The following USP47 variants were observed in gnomAD, a reference collection of about 807,000 sequenced individuals.
USP47 encodes the protein ubiquitin specific peptidase 47.
A neutral mutation model predicts 165.1 loss-of-function variants in USP47; 35 were observed. The ratio of observed to expected loss-of-function variants is 0.21; its 90% confidence interval spans 0.16 to 0.28. USP47 has a LOEUF of 0.28. USP47 is among the 10% of genes least tolerant of loss of function. The probability of loss-of-function intolerance (pLI) is 1.00; values close to 1 mark genes in which losing one functional copy is unlikely to be tolerated. For missense variants in USP47, 1,277 were observed against 1,607.4 expected (o/e 0.79, Z 3.52); for synonymous variants, 531 against 544.5 (o/e 0.98, Z 0.35).
chr11:11,943,808 A>G (rs1855644141), intron 20 of USP47: 1 of 152,200 alleles, frequency 6.6e-6, no homozygotes, highest in African/African-American at 2.4e-5. Flanking sequence ...GGTTTAAGAT[A>G]CAAAATCTTT....
At chr11:11,929,290 G>T in intron 11 of USP47, 144 bp from the exon 12 acceptor site, 2 of 1,148,106 alleles carry the variant, frequency 1.7e-6, no homozygotes, top group African/African-American at 1.6e-5. Flanking sequence ...TGCCATTTTT[G>T]TTTTACCTTA....
At chr11:11,858,180 T>G (rs893610595) in intron 1 of USP47, among the ~76,000 whole-genome samples, 18 of 152,182 alleles carry the variant, frequency 1.2e-4, no homozygotes, top group African/African-American at 2.9e-4. Context: ...TTTCCTTGCT[T>G]CTTTTGTACA....
intron 9 of USP47, 40 bp from the exon 10 acceptor site, chr11:11,920,302 A>C: frequency 6.2e-7 from 1 of 1,607,270 alleles, no homozygotes; most frequent in African/African-American, 1.3e-5. Flanking sequence ...AATATTCCAT[A>C]TTCAATAGAC....
chr11:11,922,258 A>G (rs1206874056), intron 10 of USP47, among the ~76,000 whole-genome samples: 1 of 152,062 alleles, frequency 6.6e-6, no homozygotes, highest in Non-Finnish European at 1.5e-5. Context: ...GATGAATACA[A>G]TGTCTTGTTT....
At chr11:11,849,295 G>T (rs7938839) in intron 1 of USP47, among the ~76,000 whole-genome samples, 2,634 of 152,278 alleles carry the variant, frequency 0.017, 58 homozygotes, top group East Asian at 0.081. Context: ...GCTTTGCTTA[G>T]TTTTCTGTAT....
intron 5 of USP47, among the ~76,000 whole-genome samples, chr11:11,898,811 C>T (rs1007683789): frequency 6.6e-6 from 1 of 152,116 alleles, no homozygotes; most frequent in South Asian, 2.1e-4. Context: ...AAAGAGAATA[C>T]ACTGTGCAGA....
chr11:11,908,431 G>A (rs920529896), intron 8 of USP47, among the ~76,000 whole-genome samples: 8 of 152,016 alleles, frequency 5.3e-5, no homozygotes, highest in East Asian at 3.9e-4. Flanking sequence ...GAGCTACCAC[G>A]CCCAGCCAGG....
chr11:11,910,507 G>C (rs186830006), intron 8 of USP47, among the ~76,000 whole-genome samples: 31 of 152,214 alleles, frequency 2.0e-4, no homozygotes, highest in Non-Finnish European at 5.9e-5. Context: ...TGAGTGGGGA[G>C]CCTAGATTCT....
At chr11:11,945,473 A>T (rs1228273846) in intron 20 of USP47, among the ~76,000 whole-genome samples, 1 of 152,214 alleles carries the variant, frequency 6.6e-6, no homozygotes, top group Non-Finnish European at 1.5e-5. Flanking sequence ...TTATAATCCA[A>T]GAGTTGTTTC....
rs1288669289 is a variant in USP47 at position 11,958,472 on chromosome 11, G to T, written c.*2297G>T. The T allele has an allele frequency of 6.6e-6, 1 of 152,244 alleles. No homozygotes were observed. The highest frequency in any genetic ancestry group is 2.4e-5 in the African/African-American group (1 of 41,466). 9.4% of individuals were successfully genotyped at this position (152,244 alleles called of 1,614,324 possible). A position where few individuals can be genotyped will look rare whatever the true frequency, so the allele number is the denominator to read the frequency against. On this transcript the variant is annotated 3_prime_UTR_variant, in exon 28 of 28. Coordinates refer to ENST00000527733, the MANE Select transcript of USP47 (RefSeq NM_001282659.2). ...CCCTCTGCTTCAGAGAGTCAGGTGAGCATCCATAACCTAACAGGCAGAGCC... is the reference window on the plus strand; with the variant it reads ...CCCTCTGCTTCAGAGAGTCAGGTGATCATCCATAACCTAACAGGCAGAGCC...
intron 1 of USP47, among the ~76,000 whole-genome samples, chr11:11,859,706 A>G (rs1849263317): frequency 6.6e-6 from 1 of 152,220 alleles, no homozygotes; most frequent in Non-Finnish European, 1.5e-5. Context: ...TCTTAAATGT[A>G]TTTTAAGGGT....
At chr11:11,908,336 G>A (rs974955980) in intron 8 of USP47, among the ~76,000 whole-genome samples, 6 of 151,458 alleles carry the variant, frequency 4.0e-5, no homozygotes, top group East Asian at 1.9e-4. Flanking sequence ...ATGGGGTCTC[G>A]CTGTGTTGAC....
chr11:11,933,017 G>A lies in USP47; in HGVS notation c.1665G>A (p.Val555=). The change falls in exon 15 of 28, where the codon GTG becomes GTA. Residue 555 remains valine (V), a synonymous_variant. Transcript: ENST00000527733. ...TATTACTAATAGAATTTCTAGAAGT[G>A]GATGAATACCCAGAACATATTAAAA... The part of the protein sequence containing the change: ...DPARNAKFLE[V]DEYPEHIKNL... The A allele has an allele frequency of 6.2e-7, 1 of 1,612,264 alleles. No individual in the cohort carries two copies. Among genetic ancestry groups the A allele is most frequent in the Non-Finnish European group, 8.5e-7 (1 of 1,179,100 alleles).
chr11:11,858,014 A>G (rs780334318), intron 1 of USP47, among the ~76,000 whole-genome samples: 5 of 152,166 alleles, frequency 3.3e-5, no homozygotes, highest in Non-Finnish European at 7.3e-5. Flanking sequence ...CTTCATTTAC[A>G]TGAGGTGAAT....
chr11:11,877,487 A>T (rs996077553), intron 1 of USP47, among the ~76,000 whole-genome samples: 1 of 152,212 alleles, frequency 6.6e-6, no homozygotes, highest in East Asian at 1.9e-4. Flanking sequence ...GAGAAATTCT[A>T]TGTATAAGGA....
intron 8 of USP47, among the ~76,000 whole-genome samples, chr11:11,913,096 AG>A (rs1489483185): frequency 1.3e-5 from 2 of 152,062 alleles, no homozygotes; most frequent in Non-Finnish European, 2.9e-5. Flanking sequence ...ACGCTTGTCT[AG>A]GCAAGGATGT....
rs749451474 is a variant in USP47, at chr11:11,955,060, T to C, written c.3789T>C (p.Ile1263=). The C allele has an allele frequency of 1.4e-5, 22 of 1,613,824 alleles. No individual in the cohort carries two copies. The South Asian group carries it at 2.3e-4, about 17-fold the overall frequency. The stretch of plus-strand genomic sequence containing the variant: ...GTAGAGGAACATTTCCCTGTGATAT[T>C]TCTGTCCTTGATATTCATCAGGATT... ...AKGRGTFPCD[I]SVLDIHQDLD... is the part of the protein sequence containing the mutation. The change falls in exon 27 of 28, where the codon ATT becomes ATC. Residue 1263 remains isoleucine (I), a synonymous_variant. Transcript: ENST00000527733.
chr11:11,948,193 C>T (rs1288712732), intron 21 of USP47, 73 bp downstream of exon 21: 2 of 1,471,940 alleles, frequency 1.4e-6, no homozygotes, highest in African/African-American at 1.4e-5. Context: ...TTTACTACTT[C>T]CAAGTGAGGT....
At chr11:11,857,491 T>C (rs1590233796) in intron 1 of USP47, among the ~76,000 whole-genome samples, 3 of 152,322 alleles carry the variant, frequency 2.0e-5, no homozygotes, top group East Asian at 3.9e-4. Context: ...AAAACAAATA[T>C]AATTTTAAGA....
Sources: gnomAD v4.1 joint callset for allele counts (sites outside exome capture counted in the v4.1 genomes callset) on GRCh38, gnomAD v4.1.1 for gene constraint, MANE v1.5 for transcripts, NCBI Gene and HGNC (gene_info 2026-07-23, HGNC 2026-07-21) for gene names.